Variants in UBE2D3 observed in about 807,000 individuals in gnomAD.
UBE2D3 encodes the protein ubiquitin conjugating enzyme E2 D3.
In UBE2D3, 2 loss-of-function variants were observed where a neutral mutation model predicts 22.8. The observed-to-expected ratio is 0.09, with a 90% CI of 0.04 to 0.28. The LOEUF (loss-of-function observed/expected upper bound fraction) is 0.28. Among genes scored for constraint, UBE2D3 ranks in the 10% least tolerant of loss-of-function variants. UBE2D3 has a pLI of 1.00. For synonymous variants in UBE2D3, 56 were observed against 60.4 expected, an observed-to-expected ratio of 0.93 and a Z score of 0.34; for missense variants, 27 against 182.5, an observed-to-expected ratio of 0.15 and a Z score of 4.91.
intron 4 of UBE2D3, among the ~76,000 whole-genome samples, chr4:102,807,109 T>G (rs1045379517): frequency 1.3e-5 from 2 of 152,216 alleles, no homozygotes; most frequent in African/African-American, 2.4e-5. Context: ...TCTGTGGCAC[T>G]GGCACCACTT....
At chr4:102,852,579 C>A (rs982240553) in intron 1 of UBE2D3, among the ~76,000 whole-genome samples, 2 of 152,160 alleles carry the variant, frequency 1.3e-5, no homozygotes, top group Non-Finnish European at 2.9e-5. Context: ...ACAACTCATA[C>A]AACTTGAATT....
rs1044838557 is a variant in UBE2D3, at chr4:102,827,476, C to T, written c.-178G>A. 3.0e-6 allele frequency: 3 copies of T among 986,094 alleles called. No homozygotes were observed. In the African/African-American group the frequency reaches 5.2e-5, roughly 17 times the overall value. The allele number at this position is 986,094 out of a possible 1,614,324, so 61.1% of individuals were successfully genotyped here. A position where few individuals can be genotyped will look rare whatever the true frequency, so the allele number is the denominator to read the frequency against. On this transcript the variant is annotated 5_prime_UTR_variant, in exon 1 of 8. Coordinates refer to ENST00000453744, the MANE Select transcript of UBE2D3 (RefSeq NM_181891.3). ...CTGCGGCCTCGGCCTCCTCCCCGCGCGGCAGCTGGTGCCTCCCCGGCCCTA... is the reference window on the plus strand; with the variant it reads ...CTGCGGCCTCGGCCTCCTCCCCGCGTGGCAGCTGGTGCCTCCCCGGCCCTA...
intron 7 of UBE2D3, chr4:102,799,103 T>C: frequency 9.2e-7 from 1 of 1,088,852 alleles, no homozygotes; most frequent in Non-Finnish European, 1.3e-6. Flanking sequence ...ACTAACATTT[T>C]TGGAAAAACA....
chr4:102,862,907 G>GT (rs1560896284), intron 1 of UBE2D3, among the ~76,000 whole-genome samples: 1 of 152,172 alleles, frequency 6.6e-6, no homozygotes, highest in African/African-American at 2.4e-5. Flanking sequence ...CATGATGCCA[G>GT]TATCTGCTTC....
At chr4:102,799,035 G>A in intron 7 of UBE2D3, 4 of 1,496,936 alleles carry the variant, frequency 2.7e-6, no homozygotes, top group Non-Finnish European at 3.7e-6. Context: ...TAATGGTTAA[G>A]TTGAACATAA....
At position 102,826,525 on chromosome 4, in the gene UBE2D3, C is replaced by G. The variant is rs771697683; in HGVS notation, c.-17G>C. ...CAGCGCCATAGTGTGTGCTTGTCGT[C>G]TGGCTCCTCACTCTCTCGGTGTATG... On this transcript the variant is annotated 5_prime_UTR_variant, in exon 2 of 8. Transcript: ENST00000453744. 1.2e-6 allele frequency: 2 copies of G among 1,613,378 alleles called. No homozygotes were observed. Among genetic ancestry groups the G allele is most frequent in the Non-Finnish European group, 1.7e-6 (2 of 1,180,008 alleles).
chr4:102,840,246 G>A (rs1731672109), intron 1 of UBE2D3, among the ~76,000 whole-genome samples: 1 of 152,100 alleles, frequency 6.6e-6, no homozygotes, highest in African/African-American at 2.4e-5. Context: ...CCCACTAATG[G>A]GTATTTATTC....
chr4:102,800,873 G>A (rs1726045696), intron 6 of UBE2D3, among the ~76,000 whole-genome samples: 1 of 152,026 alleles, frequency 6.6e-6, no homozygotes, highest in Non-Finnish European at 1.5e-5. Flanking sequence ...GGATATTCAT[G>A]CGGAGACCGG....
intron 2 of UBE2D3, among the ~76,000 whole-genome samples, chr4:102,821,899 G>A (rs1729680552): frequency 6.6e-6 from 1 of 152,030 alleles, no homozygotes; most frequent in South Asian, 2.1e-4. Flanking sequence ...ACAGATACAA[G>A]AAAACTGCTA....
intron 2 of UBE2D3, among the ~76,000 whole-genome samples, chr4:102,813,459 C>CT (rs1728349509): frequency 1.3e-5 from 2 of 152,154 alleles, no homozygotes; most frequent in Non-Finnish European, 2.9e-5. Context: ...TTGGCCTGAG[C>CT]AAAGCATGAG....
chr4:102,839,648 A>G (rs1731630806), intron 1 of UBE2D3, among the ~76,000 whole-genome samples: 1 of 152,248 alleles, frequency 6.6e-6, no homozygotes. Context: ...AGTGATGTAC[A>G]TAAAGAACAG....
intron 1 of UBE2D3, among the ~76,000 whole-genome samples, chr4:102,858,734 A>G (rs1208687112): frequency 2.6e-5 from 4 of 151,962 alleles, no homozygotes; most frequent in African/African-American, 9.7e-5. Flanking sequence ...ATATAATACA[A>G]TTAGTTTGGG....
At position 102,827,456 on chromosome 4, in the gene UBE2D3, G is replaced by A. The variant is rs1430252046; in HGVS notation, c.-158C>T. ...GGGCCGGGGCCTCCCTCAAGCTGCG[G>A]CCTCGGCCTCCTCCCCGCGCGGCAG... is the stretch of plus-strand genomic sequence containing the variant. On this transcript the variant is annotated 5_prime_UTR_variant, in exon 1 of 8. Coordinates refer to ENST00000453744, the MANE Select transcript of UBE2D3 (RefSeq NM_181891.3). 1.0e-6 allele frequency: 1 copy of A among 986,216 alleles called. No homozygotes were observed. Among genetic ancestry groups the A allele is most frequent in the Non-Finnish European group, 1.2e-6 (1 of 830,182 alleles). 61.1% of individuals were successfully genotyped at this position (986,216 alleles called of 1,614,324 possible). A position where few individuals can be genotyped will look rare whatever the true frequency, so the allele number is the denominator to read the frequency against.
chr4:102,798,655 CCAT>C (rs1272338721), intron 7 of UBE2D3, among the ~76,000 whole-genome samples: 1 of 150,748 alleles, frequency 6.6e-6, no homozygotes, highest in Non-Finnish European at 1.5e-5. Flanking sequence ...AATTTAAACA[CCAT>C]GATAGTTTGA....
chr4:102,827,440 C>A lies in UBE2D3; in HGVS notation c.-142G>T, dbSNP rs1002037172. 1.3e-5 allele frequency: 13 copies of A among 986,054 alleles called. No homozygotes were observed. The African/African-American group carries it at 2.1e-4, about 16-fold the overall frequency. The allele number at this position is 986,054 out of a possible 1,614,324, so 61.1% of individuals were successfully genotyped here. On this transcript the variant is annotated 5_prime_UTR_variant, in exon 1 of 8. Transcript: ENST00000453744. ...ACCCACGCGTACAGAGGGGCCGGGG[C>A]CTCCCTCAAGCTGCGGCCTCGGCCT...
chr4:102,858,104 C>T (rs1272724874), intron 1 of UBE2D3, among the ~76,000 whole-genome samples: 1 of 152,024 alleles, frequency 6.6e-6, no homozygotes, highest in Admixed American at 6.6e-5. Flanking sequence ...AGGCAGTGGT[C>T]TGCTCTATAG....
chr4:102,825,466 A>C, intron 2 of UBE2D3: 2 of 1,147,666 alleles, frequency 1.7e-6, no homozygotes, highest in Non-Finnish European at 2.2e-6. Context: ...TTAACAAATC[A>C]TATTAATTCA....
At chr4:102,849,047 TAAG>T (rs1262060482) in intron 1 of UBE2D3, among the ~76,000 whole-genome samples, 1 of 151,458 alleles carries the variant, frequency 6.6e-6, no homozygotes, top group Non-Finnish European at 1.5e-5. Context: ...TTTAGAGTCT[TAAG>T]AAGAAATAGA....
chr4:102,819,329 C>CAAA (rs762178343), intron 2 of UBE2D3, among the ~76,000 whole-genome samples: 9 of 85,472 alleles, frequency 1.1e-4, no homozygotes, highest in Admixed American at 2.7e-4. Context: ...GACTCCGCCT[C>CAAA]AAAAAAAAAA....
Sources: allele counts gnomAD v4.1 joint callset (sites outside exome capture counted in the v4.1 genomes callset), GRCh38; gene constraint gnomAD v4.1.1; transcripts MANE v1.5; gene names NCBI Gene and HGNC (gene_info 2026-07-23, HGNC 2026-07-21).